The following QPRT variants were observed in gnomAD, a reference collection of about 807,000 sequenced individuals.
The protein encoded by QPRT is nicotinate-nucleotide pyrophosphorylase [carboxylating].
In QPRT, 17 loss-of-function variants were observed where a neutral mutation model predicts 19.8. The observed-to-expected ratio is 0.86, with a 90% CI of 0.59 to 1.29. The LOEUF is 1.29. Ranked by LOEUF, QPRT falls within the 50% of genes most tolerant of loss-of-function variation. The pLI is 0.00. For missense variants in QPRT, 336 were observed against 405.1 expected (o/e 0.83, Z 1.46); for synonymous variants, 178 against 191.0 (o/e 0.93, Z 0.56).
At position 29,694,869 on chromosome 16, in the gene QPRT, G is replaced by T; in HGVS notation, c.219G>T (p.Trp73Cys). The change falls in exon 2 of 4, where the codon TGG (tryptophan) becomes TGT (cysteine). Residue 73 changes from tryptophan (W) to cysteine (C), a missense_variant. Transcript: ENST00000395384. ...IFTQLNCQVS[W>C]FLPEGSKLVP... is the part of the protein sequence containing the mutation. The stretch of plus-strand genomic sequence containing the variant: ...CCCAACTCAACTGCCAAGTCTCCTG[G>T]TTCCTCCCCGAGGGATCGAAGCTGG... 1.2e-6 allele frequency: 2 copies of T among 1,614,110 alleles called. No individual in the cohort carries two copies. Among genetic ancestry groups the T allele is most frequent in the Non-Finnish European group, 1.7e-6 (2 of 1,179,948 alleles).
intron 1 of QPRT, among the ~76,000 whole-genome samples, chr16:29,689,278 A>T (rs1967254855): frequency 6.6e-6 from 1 of 151,588 alleles, no homozygotes; most frequent in Admixed American, 6.6e-5. Context: ...TGTTTTTAGT[A>T]GAGATGAGGT....
At chr16:29,694,354 C>T (rs551722669) in intron 1 of QPRT, among the ~76,000 whole-genome samples, 155 of 150,788 alleles carry the variant, frequency 1.0e-3, no homozygotes, top group Non-Finnish European at 1.8e-3. Context: ...CTCCTGACCT[C>T]GTGATCCGCC....
intron 1 of QPRT, among the ~76,000 whole-genome samples, chr16:29,683,179 C>A (rs866595638): frequency 6.6e-6 from 1 of 151,896 alleles, no homozygotes; most frequent in African/African-American, 2.4e-5. Context: ...CGTGCACCAC[C>A]ACACATGGAT....
chr16:29,679,877 C>T (rs1023049874), intron 1 of QPRT, among the ~76,000 whole-genome samples: 1 of 151,540 alleles, frequency 6.6e-6, no homozygotes, highest in Admixed American at 6.6e-5. Flanking sequence ...GGGGTGTGCG[C>T]GTCATTTGAA....
At chr16:29,690,730 T>G (rs1249923515) in intron 1 of QPRT, among the ~76,000 whole-genome samples, 24 of 152,106 alleles carry the variant, frequency 1.6e-4, no homozygotes, top group Admixed American at 1.5e-3. Context: ...CAGTCTGTGG[T>G]CCAGGCTGGA....
chr16:29,683,531 A>G (rs1222726570), intron 1 of QPRT, among the ~76,000 whole-genome samples: 1 of 150,982 alleles, frequency 6.6e-6, no homozygotes, highest in African/African-American at 2.4e-5. Context: ...AATTTTTAAA[A>G]TTGTTTTTGT....
chr16:29,688,912 C>G (rs940932339), intron 1 of QPRT, among the ~76,000 whole-genome samples: 5 of 151,246 alleles, frequency 3.3e-5, no homozygotes, highest in African/African-American at 1.2e-4. Context: ...TCCCGAGTAG[C>G]TGGGACTACA....
At position 29,679,203 on chromosome 16, in the gene QPRT, C is replaced by G; in HGVS notation, c.6C>G (p.Asp2Glu). The G allele has an allele frequency of 6.2e-7, 1 of 1,612,208 alleles. No homozygotes were observed. Among genetic ancestry groups the G allele is most frequent in the Non-Finnish European group, 8.5e-7 (1 of 1,178,530 alleles). Residue 2 changes from aspartate (D) to glutamate (E), a missense_variant, in exon 1 of 4, where the codon GAC (aspartate) becomes GAG (glutamate). By Grantham distance (45) the Asp-to-Glu change is conservative. Transcript: ENST00000395384. M[D>E]AEGLALLLPP... ...CCAGACAGCTGCAAGTCACCATGGA[C>G]GCTGAAGGTAAAGGGACACTCTCTC...
Position 29,685,652 on chromosome 16 carries a change from G to A in QPRT, c.13+6442G>A, listed in dbSNP as rs572010885. Among the ~76,000 whole-genome samples, 8 of 152,084 alleles carry A rather than the reference G, an allele frequency of 5.3e-5. No individual in the cohort carries two copies. The East Asian group carries it at 1.6e-3, about 29-fold the overall frequency. On this transcript the variant is annotated intron_variant, in intron 1 of 3. Transcript: ENST00000395384. ...GCCTCCCAATCTGTCTCCAGTTGGT[G>A]GCTGAAGTGACCCTTCTGGAGCAAA...
At chr16:29,692,248 CTTATTTATTTAT>C (rs113592039) in intron 1 of QPRT, among the ~76,000 whole-genome samples, 37 of 151,120 alleles carry the variant, frequency 2.4e-4, no homozygotes, top group African/African-American at 8.5e-4. Flanking sequence ...GTCCACTATC[CTTATTTATTTAT>C]TTATTTATTT....
upstream of QPRT, chr16:29,679,064 T>C (rs753849657): frequency 1.3e-6 from 2 of 1,519,932 alleles, no homozygotes; most frequent in South Asian, 2.3e-5. Context: ...GAGGGAGGCT[T>C]GGGGAGCCTG....
chr16:29,690,780 C>T (rs1967303212), intron 1 of QPRT, among the ~76,000 whole-genome samples: 1 of 152,120 alleles, frequency 6.6e-6, no homozygotes, highest in Non-Finnish European at 1.5e-5. Context: ...AACTCCGCCT[C>T]CCTGGTTCAA....
chr16:29,695,048 A>ACGTGGCAGGCACGAGGAAGAC lies in QPRT; in HGVS notation c.400_420dup (p.Val134_Thr140dup). The ACGTGGCAGGCACGAGGAAGAC allele has an allele frequency of 6.2e-7, 1 of 1,605,644 alleles. No homozygotes were observed. The highest frequency in any genetic ancestry group is 8.5e-7 in the Non-Finnish European group (1 of 1,179,226). The stretch of plus-strand genomic sequence containing the variant: ...GCCAGGGGGGCCGGCTGGACTGGGC[A>ACGTGGCAGGCACGAGGAAGAC]CGTGGCAGGCACGAGGAAGACCACG... On this transcript the variant is annotated inframe_insertion, in exon 2 of 4. Transcript: ENST00000395384.
chr16:29,679,884 T>G (rs1966941243), intron 1 of QPRT, among the ~76,000 whole-genome samples: 1 of 151,996 alleles, frequency 6.6e-6, no homozygotes, highest in Admixed American at 6.6e-5. Context: ...GCGCGTCATT[T>G]GAAAGATGTA....
intron 1 of QPRT, among the ~76,000 whole-genome samples, chr16:29,680,705 C>A (rs1411915050): frequency 6.6e-6 from 1 of 152,164 alleles, no homozygotes; most frequent in Non-Finnish European, 1.5e-5. Flanking sequence ...CTTTGGGAGG[C>A]TGAGGTGGGT....
In QPRT at chr16:29,695,142, G is replaced by T; in HGVS notation, c.492G>T (p.Leu164=). The change falls in exon 2 of 4, where the codon CTG becomes CTT. Residue 164 remains leucine, a synonymous_variant. Coordinates refer to ENST00000395384, the MANE Select transcript of QPRT (RefSeq NM_014298.6). ...GGGCCGCCTCGCACCGCTACGACCT[G>T]GGAGGGCTGGTGATGGTGAAGGATA... ...VGGAASHRYD[L]GGLVMVKDNH... is the part of the protein sequence containing the mutation. The T allele has an allele frequency of 1.3e-6, 2 of 1,580,368 alleles. No homozygotes were observed. The highest frequency in any genetic ancestry group is 1.7e-6 in the Non-Finnish European group (2 of 1,163,950).
At chr16:29,679,062 C>A, upstream of QPRT, 1 of 1,515,676 alleles carries the variant, frequency 6.6e-7, no homozygotes, top group Non-Finnish European at 9.1e-7. Flanking sequence ...AGGAGGGAGG[C>A]TTGGGGAGCC....
At chr16:29,688,782 C>CTT (rs201491801) in intron 1 of QPRT, among the ~76,000 whole-genome samples, 4 of 133,832 alleles carry the variant, frequency 3.0e-5, no homozygotes, top group East Asian at 2.2e-4. Flanking sequence ...TTTTTATTCT[C>CTT]TTTTTTTTTT....
upstream of QPRT, chr16:29,679,049 G>A (rs1966909705): frequency 7.1e-7 from 1 of 1,412,314 alleles, no homozygotes; most frequent in Non-Finnish European, 9.9e-7. Flanking sequence ...CCTGGCAGAG[G>A]ACAGGAGGGA....
Sources: allele counts gnomAD v4.1 joint callset (sites outside exome capture counted in the v4.1 genomes callset), GRCh38; gene constraint gnomAD v4.1.1; transcripts MANE v1.5; gene names NCBI Gene and HGNC (gene_info 2026-07-23, HGNC 2026-07-21).